Variants in GANC observed in about 807,000 individuals in gnomAD.
The protein encoded by GANC is glucosidase alpha, neutral C.
Under a neutral mutation model 124.2 loss-of-function variants are expected in GANC, and 117 were observed. The observed-to-expected ratio is 0.94, with a 90% CI of 0.81 to 1.10. The LOEUF is 1.10. Among genes scored for constraint, GANC ranks in the 50% least tolerant of loss-of-function variants. The probability of loss-of-function intolerance (pLI) is 0.00; values close to 1 mark genes in which losing one functional copy is unlikely to be tolerated. For synonymous variants in GANC, 377 were observed against 376.8 expected (o/e 1.00, Z -0.01); for missense variants, 1,140 against 1,095.0 (o/e 1.04, Z -0.58).
rs118056033 is a variant in GANC at position 42,307,636 on chromosome 15, C to G, written c.626-586C>G. Among the ~76,000 whole-genome samples the G allele has an allele frequency of 5.1e-3, 780 of 152,302 alleles. 5 individuals carry two copies. Among genetic ancestry groups the G allele is most frequent in the Non-Finnish European group, 8.1e-3 (554 of 68,030 alleles). On this transcript the variant is annotated intron_variant, in intron 7 of 23. Transcript: ENST00000318010. ...ATACCTCCTAGTCATTTGCATTTTT[C>G]CCATAGCTCTAAAATAATTGTTAAA...
rs908028086 is a variant in GANC, at chr15:42,292,629, T to C, written c.330-106T>C. ...TTCTCTGTTGCCTTATCTATGGCTATGTCACATGAATATTGATTTACTAAT... is the reference window on the plus strand; with the variant it reads ...TTCTCTGTTGCCTTATCTATGGCTACGTCACATGAATATTGATTTACTAAT... On this transcript the variant is annotated intron_variant, in intron 4 of 23. Coordinates refer to ENST00000318010, the MANE Select transcript of GANC (RefSeq NM_198141.3). 9 of 1,111,876 alleles carry C rather than the reference T, an allele frequency of 8.1e-6. No individual in the cohort carries two copies. The African/African-American group carries it at 1.3e-4, about 15-fold the overall frequency. The allele number at this position is 1,111,876 out of a possible 1,614,324, so 68.9% of individuals were successfully genotyped here. A position where few individuals can be genotyped will look rare whatever the true frequency, so the allele number is the denominator to read the frequency against.
intron 10 of GANC, among the ~76,000 whole-genome samples, chr15:42,319,331 G>A (rs1016925446): frequency 2.0e-5 from 2 of 102,304 alleles, no homozygotes; most frequent in African/African-American, 6.2e-5. Flanking sequence ...ATAATTTCAA[G>A]TCTGATGAGC....
intron 10 of GANC, among the ~76,000 whole-genome samples, chr15:42,313,085 C>G (rs1274043977): frequency 6.6e-6 from 1 of 152,188 alleles, no homozygotes. Flanking sequence ...AGTGCTTTGT[C>G]CATGTCACCA....
chr15:42,352,922 A>C lies in GANC; in HGVS notation c.*783A>C. The C allele has an allele frequency of 2.2e-6, 1 of 459,748 alleles. No homozygotes were observed. Among genetic ancestry groups the C allele is most frequent in the Non-Finnish European group, 2.9e-6 (1 of 349,364 alleles). The allele number at this position is 459,748 out of a possible 1,614,324, so 28.5% of individuals were successfully genotyped here. On this transcript the variant is annotated 3_prime_UTR_variant, in exon 24 of 24. Transcript: ENST00000318010. ...CTGGGACTAGGATGAGGCAAGGGAG[A>C]CCCTGGCCTTGGGCACAAAATGTAA...
intron 23 of GANC, 43 bp from the exon 24 acceptor site, chr15:42,351,987 G>C (rs544923910): frequency 1.2e-6 from 2 of 1,611,158 alleles, no homozygotes; most frequent in African/African-American, 1.3e-5. Context: ...TTCCCTTCTA[G>C]AGATTCATCA....
At chr15:42,289,522 T>C (rs2051821793) in intron 4 of GANC, among the ~76,000 whole-genome samples, 1 of 152,234 alleles carries the variant, frequency 6.6e-6, no homozygotes, top group Non-Finnish European at 1.5e-5. Context: ...CAACAAATTA[T>C]CCATATGAAG....
In GANC at chr15:42,273,867, TGGAATTCGGC is replaced by T. The variant is rs2051619710; in HGVS notation, c.-612_-603del. The T allele has an allele frequency of 5.1e-6, 1 of 195,168 alleles. No individual in the cohort carries two copies. The highest frequency in any genetic ancestry group is 5.4e-5 in the Admixed American group (1 of 18,564). The allele number at this position is 195,168 out of a possible 1,614,324, so 12.1% of individuals were successfully genotyped here. A position where few individuals can be genotyped will look rare whatever the true frequency, so the allele number is the denominator to read the frequency against. Reference sequence around the variant, plus strand: ...GTTTGGGTGGTATTTAAGCAAAGGCTGGAATTCGGCGGTGGTGGAGTACACGCGATTCCTA... The same window carrying T: ...GTTTGGGTGGTATTTAAGCAAAGGCTGGTGGTGGAGTACACGCGATTCCTA... On this transcript the variant is annotated 5_prime_UTR_variant, in exon 1 of 24. Coordinates refer to ENST00000318010, the MANE Select transcript of GANC (RefSeq NM_198141.3).
chr15:42,339,729 C>G lies in GANC; in HGVS notation c.1904C>G (p.Ala635Gly). The G allele has an allele frequency of 6.2e-7, 1 of 1,614,200 alleles. No homozygotes were observed. The highest frequency in any genetic ancestry group is 8.5e-7 in the Non-Finnish European group (1 of 1,180,020). The change falls in exon 17 of 24, where the codon GCT becomes GGT. Residue 635 changes from alanine (A) to glycine (G), a missense_variant. By Grantham distance (60) the Ala-to-Gly change is moderately conservative. Transcript: ENST00000318010. The part of the protein sequence containing the change: ...ETELLVRWYQ[A>G]GAYQPFFRGH... ...GAGCTGCTAGTGCGTTGGTACCAGG[C>G]TGGAGCCTACCAGCCCTTCTTCCGT...
chr15:42,345,828 A>G lies in GANC; in HGVS notation c.2300A>G (p.Asp767Gly), dbSNP rs372015254. The change falls in exon 20 of 24, where the codon GAC becomes GGC. Residue 767 changes from aspartate (D) to glycine (G), a missense_variant. Physicochemically the swap from Asp to Gly is moderately conservative, Grantham distance 94 (BLOSUM62 -1). Transcript: ENST00000318010. ...GCTVKIPVAL[D>G]TIPVFQRGGS... ...ACTGTAAAGATCCCAGTAGCCTTGG[A>G]CACTGTAAGTTATTTTCAGACTACT... 5 of 1,603,864 alleles carry G rather than the reference A, an allele frequency of 3.1e-6. No individual in the cohort carries two copies. In the African/African-American group the frequency reaches 5.4e-5, roughly 17 times the overall value.
intron 3 of GANC, among the ~76,000 whole-genome samples, chr15:42,285,210 G>T (rs1193724942): frequency 2.0e-5 from 3 of 152,184 alleles, no homozygotes; most frequent in Admixed American, 2.0e-4. Context: ...GGAAAGAACT[G>T]GCAGTTAAGC....
intron 6 of GANC, among the ~76,000 whole-genome samples, chr15:42,298,176 C>G (rs540075653): frequency 1.1e-3 from 160 of 152,096 alleles, no homozygotes; most frequent in African/African-American, 3.7e-3. Flanking sequence ...AAAGAATGTT[C>G]CAGGTAGAGG....
chr15:42,352,839 T>C lies in GANC; in HGVS notation c.*700T>C. On this transcript the variant is annotated 3_prime_UTR_variant, in exon 24 of 24. Transcript: ENST00000318010. ...TATAACATGAGTAAGCTATAATTAA[T>C]AACAATGAAATAAATACCCATGTAC... 1 of 631,640 alleles carries C rather than the reference T, an allele frequency of 1.6e-6. No individual in the cohort carries two copies. The highest frequency in any genetic ancestry group is 2.0e-6 in the Non-Finnish European group (1 of 507,050). 39.1% of individuals were successfully genotyped at this position (631,640 alleles called of 1,614,324 possible). A position where few individuals can be genotyped will look rare whatever the true frequency, so the allele number is the denominator to read the frequency against.
chr15:42,344,657 A>G (rs777989384), intron 19 of GANC: 7 of 152,192 alleles, frequency 4.6e-5, no homozygotes, highest in South Asian at 2.1e-4. Flanking sequence ...ACTATGGTCT[A>G]TTCTCTTGGT....
At position 42,321,886 on chromosome 15, in the gene GANC, G is replaced by A. The variant is rs781504298; in HGVS notation, c.1159G>A (p.Glu387Lys). ...DVKAVDAGFD[E>K]HDIPYDAMWL... ...AAAAGCAGTGGATGCAGGGTTTGAT[G>A]AGCATGACATTCCTTATGATGCCAT... Residue 387 changes from glutamate (E) to lysine (K), a missense_variant, in exon 11 of 24, where the codon GAG becomes AAG. Transcript: ENST00000318010. 1.2e-6 allele frequency: 2 copies of A among 1,614,120 alleles called. No homozygotes were observed. The highest frequency in any genetic ancestry group is 2.7e-5 in the African/African-American group (2 of 74,948).
intron 10 of GANC, among the ~76,000 whole-genome samples, chr15:42,321,007 C>A (rs1314722131): frequency 6.6e-6 from 1 of 152,034 alleles, no homozygotes; most frequent in South Asian, 2.1e-4. Context: ...TTTTTCTTCT[C>A]TTTACTCAGA....
At chr15:42,276,239 A>G in intron 1 of GANC, 109 bp from the exon 2 acceptor site, 2 of 629,592 alleles carry the variant, frequency 3.2e-6, no homozygotes, top group Admixed American at 3.0e-5. Flanking sequence ...ATTGCAGAAT[A>G]GACTCCAAAG....
At chr15:42,307,939 A>G (rs1458441057) in intron 7 of GANC, among the ~76,000 whole-genome samples, 1 of 152,236 alleles carries the variant, frequency 6.6e-6, no homozygotes, top group Non-Finnish European at 1.5e-5. Flanking sequence ...TGTTTTATAT[A>G]GAGACGAGAT....
At chr15:42,342,193 AG>A (rs1464848136) in intron 18 of GANC, among the ~76,000 whole-genome samples, 11 of 152,222 alleles carry the variant, frequency 7.2e-5, no homozygotes, top group Non-Finnish European at 1.6e-4. Context: ...ACTCGAAATA[AG>A]TATTTATTGA....
Position 42,353,102 on chromosome 15 carries a change from G to A in GANC, c.*963G>A. The A allele has an allele frequency of 2.0e-6, 2 of 985,336 alleles. No individual in the cohort carries two copies. The highest frequency in any genetic ancestry group is 9.4e-5 in the South Asian group (2 of 21,270). 61.0% of individuals were successfully genotyped at this position (985,336 alleles called of 1,614,324 possible). ...TTACTGAGTTTTCCTTTTGTCCCAGGCTCTAATATGGCTTGGCATGGGGCA... is the reference window on the plus strand; with the variant it reads ...TTACTGAGTTTTCCTTTTGTCCCAGACTCTAATATGGCTTGGCATGGGGCA... On this transcript the variant is annotated 3_prime_UTR_variant, in exon 24 of 24. Coordinates refer to ENST00000318010, the MANE Select transcript of GANC (RefSeq NM_198141.3).
Sources: allele counts gnomAD v4.1 joint callset (sites outside exome capture counted in the v4.1 genomes callset), GRCh38; gene constraint gnomAD v4.1.1; transcripts MANE v1.5; gene names NCBI Gene and HGNC (gene_info 2026-07-23, HGNC 2026-07-21).